The following PCDH11X variants were observed in gnomAD, a reference collection of about 807,000 sequenced individuals.
PCDH11X encodes protocadherin 11 X-linked, also known as protocadherin-11 X-linked.
A neutral mutation model predicts 53.3 loss-of-function variants in PCDH11X; 18 were observed. The ratio of observed to expected loss-of-function variants is 0.34; its 90% CI spans 0.23 to 0.50. The LOEUF is 0.50. Ranked by LOEUF, PCDH11X falls within the 20% of genes least tolerant of loss-of-function variation. The pLI, the probability that PCDH11X is intolerant of heterozygous loss-of-function variation, is 0.98. For synonymous variants in PCDH11X, 279 were observed against 393.3 expected, an observed-to-expected ratio of 0.71 and a Z score of 3.44; for missense variants, 570 against 1,032.4, an observed-to-expected ratio of 0.55 and a Z score of 6.14.
chrX:92,403,815 A>G (rs1176754442), intron 9 of PCDH11X, among the ~76,000 whole-genome samples: 1 of 111,631 alleles, frequency 9.0e-6, no homozygotes, highest in East Asian at 2.8e-4. Flanking sequence ...AAGAAAATCA[A>G]AGTGACTCAC....
chrX:92,113,762 T>A (rs2064572147), intron 6 of PCDH11X: 1 of 1,197,735 alleles, frequency 8.3e-7, no homozygotes, highest in African/African-American at 1.9e-5. Flanking sequence ...TTGACAAGAA[T>A]CCGAATGGGG....
intron 6 of PCDH11X, among the ~76,000 whole-genome samples, chrX:92,186,316 C>T (rs1239591675): frequency 9.0e-6 from 1 of 111,614 alleles, no homozygotes; most frequent in African/African-American, 3.3e-5. Flanking sequence ...CAAAGTTGAT[C>T]TCGTAGAAGT....
intron 9 of PCDH11X, among the ~76,000 whole-genome samples, chrX:92,444,371 G>A (rs2072584090): frequency 9.7e-6 from 1 of 102,931 alleles, no homozygotes; most frequent in Non-Finnish European, 2.0e-5. Flanking sequence ...ACTGATTTTT[G>A]CACATTGATT....
intron 9 of PCDH11X, among the ~76,000 whole-genome samples, chrX:92,427,228 A>G (rs1299037436): frequency 2.8e-5 from 3 of 108,883 alleles, no homozygotes; most frequent in African/African-American, 6.7e-5. Flanking sequence ...GCACACACAT[A>G]CCTAAAACCA....
intron 10 of PCDH11X, among the ~76,000 whole-genome samples, chrX:92,529,167 A>C (rs1178183416): frequency 1.8e-5 from 2 of 112,121 alleles, no homozygotes; most frequent in Non-Finnish European, 3.8e-5. Flanking sequence ...TTACCGAAAT[A>C]GGCAGTGATT....
At chrX:92,403,220 A>G (rs1189107282) in intron 9 of PCDH11X, among the ~76,000 whole-genome samples, 2 of 109,351 alleles carry the variant, frequency 1.8e-5, no homozygotes, top group African/African-American at 6.6e-5. Context: ...TAAAGTTTTC[A>G]AAACTCCTAT....
intron 10 of PCDH11X, among the ~76,000 whole-genome samples, chrX:92,532,658 TAA>T (rs56364638): frequency 7.8e-4 from 78 of 100,038 alleles, no homozygotes; most frequent in Admixed American, 1.1e-3. Context: ...CTCCTTCATT[TAA>T]AAAAAAAAAA....
At chrX:92,104,423 G>A (rs2064331666) in intron 6 of PCDH11X, among the ~76,000 whole-genome samples, 1 of 110,789 alleles carries the variant, frequency 9.0e-6, no homozygotes, top group Non-Finnish European at 1.9e-5. Flanking sequence ...GAGACTAGGA[G>A]GGGACTGATG....
chrX:92,338,774 G>T (rs1334256888), intron 8 of PCDH11X, among the ~76,000 whole-genome samples: 1 of 111,677 alleles, frequency 9.0e-6, no homozygotes, highest in Non-Finnish European at 1.9e-5. Flanking sequence ...CATGTTGGTT[G>T]GTGTCCTGAA....
At chrX:92,489,940 T>G (rs1603344704) in intron 10 of PCDH11X, among the ~76,000 whole-genome samples, 1 of 102,138 alleles carries the variant, frequency 9.8e-6, no homozygotes, top group Admixed American at 1.1e-4. Flanking sequence ...TATATAATAA[T>G]AATAACACTA....
intron 10 of PCDH11X, among the ~76,000 whole-genome samples, chrX:92,580,374 C>T (rs1229276266): frequency 4.8e-5 from 5 of 104,825 alleles, no homozygotes; most frequent in Non-Finnish European, 7.8e-5. Context: ...GAGACTGTGG[C>T]TGCCCATCTC....
intron 7 of PCDH11X, among the ~76,000 whole-genome samples, chrX:92,232,657 T>C (rs1301917179): frequency 8.9e-6 from 1 of 112,019 alleles, no homozygotes; most frequent in Non-Finnish European, 1.9e-5. Flanking sequence ...AAAAATATAA[T>C]TATTTAGATT....
At chrX:92,197,050 A>G (rs1246306051) in intron 6 of PCDH11X, among the ~76,000 whole-genome samples, 4 of 111,938 alleles carry the variant, frequency 3.6e-5, no homozygotes, top group African/African-American at 1.3e-4. Flanking sequence ...TTCACAGATG[A>G]TGAAGCTGAG....
At chrX:92,136,604 A>T (rs1161463423) in intron 6 of PCDH11X, among the ~76,000 whole-genome samples, 2 of 103,012 alleles carry the variant, frequency 1.9e-5, no homozygotes, top group African/African-American at 7.2e-5. Flanking sequence ...GGCTGCTTTC[A>T]TCCCACAGGG....
At chrX:91,881,218 T>A (rs1225781625) in intron 6 of PCDH11X, among the ~76,000 whole-genome samples, 3 of 110,800 alleles carry the variant, frequency 2.7e-5, no homozygotes, top group Non-Finnish European at 5.7e-5. Context: ...TTTGTTTTTT[T>A]AAAAATATTT....
At chrX:92,014,586 G>A (rs1017824440) in intron 6 of PCDH11X, among the ~76,000 whole-genome samples, 22 of 110,309 alleles carry the variant, frequency 2.0e-4, no homozygotes, top group South Asian at 3.9e-4. Context: ...ACATGCACAC[G>A]TATGTTTATT....
At chrX:91,909,915 T>C (rs1455151211) in intron 6 of PCDH11X, among the ~76,000 whole-genome samples, 1 of 111,545 alleles carries the variant, frequency 9.0e-6, no homozygotes, top group Non-Finnish European at 1.9e-5. Context: ...TAGTTACCTT[T>C]TTTGTGTGAG....
intron 9 of PCDH11X, among the ~76,000 whole-genome samples, chrX:92,466,553 G>A (rs1306890841): frequency 9.1e-6 from 1 of 109,952 alleles, no homozygotes; most frequent in Non-Finnish European, 1.9e-5. Flanking sequence ...TTCACATTCA[G>A]TCTTAAAAGT....
At chrX:92,175,756 A>ATGTGTG (rs751094829) in intron 6 of PCDH11X, among the ~76,000 whole-genome samples, 3,785 of 70,927 alleles carry the variant, frequency 0.053, 240 homozygotes, top group African/African-American at 0.16. Context: ...GTATACATAT[A>ATGTGTG]TGTGTGTGTG....
Sources: allele counts gnomAD v4.1 joint callset (sites outside exome capture counted in the v4.1 genomes callset), GRCh38; gene constraint gnomAD v4.1.1; transcripts MANE v1.5; gene names NCBI Gene and HGNC (gene_info 2026-07-23, HGNC 2026-07-21).